Variants in ABCB5 observed in about 807,000 individuals in gnomAD.
ABCB5 encodes ATP binding cassette subfamily B member 5.
A neutral mutation model predicts 144.2 loss-of-function variants in ABCB5; 155 were observed. The ratio of observed to expected loss-of-function variants is 1.08; its 90% CI spans 0.94 to 1.23. The LOEUF (loss-of-function observed/expected upper bound fraction) is 1.23. Among genes scored for constraint, ABCB5 ranks in the 50% most tolerant of loss-of-function variants. ABCB5 has a pLI of 0.00. For synonymous variants in ABCB5, 610 were observed against 528.6 expected (o/e 1.15, Z -2.11); for missense variants, 1,830 against 1,520.8 (o/e 1.20, Z -3.38).
chr7:20,661,534 C>CTCTTTT (rs1406657803), intron 14 of ABCB5, among the ~76,000 whole-genome samples: 13 of 132,432 alleles, frequency 9.8e-5, no homozygotes, highest in South Asian at 4.5e-4. Context: ...TCTTTCTTTT[C>CTCTTTT]TTTTTCTTTT....
At position 20,703,863 on chromosome 7, in the gene ABCB5, T is replaced by C. The variant is rs924780970; in HGVS notation, c.2338-861T>C. 6.6e-5 allele frequency among the ~76,000 whole-genome samples: 10 copies of C among 152,260 alleles called. No individual in the cohort carries two copies. The East Asian group carries it at 1.4e-3, about 21-fold the overall frequency. ...ATTTTGACGTGACTCCTTCTTTAGA[T>C]TGCATACCTCTTAACTTCAGGAGTT... On this transcript the variant is annotated intron_variant, in intron 19 of 27. Transcript: ENST00000404938.
At chr7:20,726,225 G>A (rs1282492468) in intron 21 of ABCB5, among the ~76,000 whole-genome samples, 2 of 152,032 alleles carry the variant, frequency 1.3e-5, no homozygotes, top group Non-Finnish European at 2.9e-5. Context: ...TATGAGAAAT[G>A]GCTTTATCTC....
At chr7:20,615,992 T>G (rs1783675520) in intron 1 of ABCB5, among the ~76,000 whole-genome samples, 155 bp downstream of exon 1, 1 of 152,220 alleles carries the variant, frequency 6.6e-6, no homozygotes, top group South Asian at 2.1e-4. Flanking sequence ...ATGATCATCC[T>G]ACTATTATTT....
At chr7:20,630,021 T>C (rs1259618018) in intron 4 of ABCB5, among the ~76,000 whole-genome samples, 1 of 152,132 alleles carries the variant, frequency 6.6e-6, no homozygotes, top group Non-Finnish European at 1.5e-5. Flanking sequence ...TCTGTAGGCA[T>C]CTTTCGTGTA....
intron 14 of ABCB5, among the ~76,000 whole-genome samples, chr7:20,677,975 A>C (rs1785669573): frequency 6.6e-6 from 1 of 152,226 alleles, no homozygotes; most frequent in Non-Finnish European, 1.5e-5. Flanking sequence ...TGACAGCAGC[A>C]GAGCATTAAG....
At position 20,647,990 on chromosome 7, in the gene ABCB5, C is replaced by A. The variant is rs1784462625; in HGVS notation, c.1118C>A (p.Ser373Tyr). Residue 373 changes from serine (S) to tyrosine (Y), a missense_variant, in exon 11 of 28, where the codon TCC becomes TAC. Transcript: ENST00000404938. ...AAGAAACCCAGTATAGATAACTTTTCCACAGCTGGATATAAACCTGAATCC... is the reference window on the plus strand; with the variant it reads ...AAGAAACCCAGTATAGATAACTTTTACACAGCTGGATATAAACCTGAATCC... Reference protein sequence around the residue: ...IDKKPSIDNFSTAGYKPESIE... With the variant: ...IDKKPSIDNFYTAGYKPESIE... The A allele has an allele frequency of 1.9e-6, 3 of 1,609,382 alleles. No homozygotes were observed. Among genetic ancestry groups the A allele is most frequent in the South Asian group, 1.1e-5 (1 of 90,818 alleles).
chr7:20,720,901 G>A (rs1433540267), intron 20 of ABCB5, among the ~76,000 whole-genome samples: 1 of 127,248 alleles, frequency 7.9e-6, no homozygotes. Context: ...TCGAGATCGC[G>A]CCACTGCACT....
At chr7:20,750,449 T>C (rs1427253299) in intron 26 of ABCB5, among the ~76,000 whole-genome samples, 2 of 151,720 alleles carry the variant, frequency 1.3e-5, no homozygotes, top group Non-Finnish European at 1.5e-5. Context: ...ACAAATTGTG[T>C]ATGTTTGATG....
In ABCB5 at chr7:20,700,000, A is replaced by G; in HGVS notation, c.2260-58A>G. On this transcript the variant is annotated intron_variant, in intron 18 of 27. Coordinates refer to ENST00000404938, the MANE Select transcript of ABCB5 (RefSeq NM_001163941.2). ...CATTCTTTCTATTTGAGTTAAAAATATATCAACTAAATGTTACAAAGGAAA... is the reference window on the plus strand; with the variant it reads ...CATTCTTTCTATTTGAGTTAAAAATGTATCAACTAAATGTTACAAAGGAAA... 4.4e-6 allele frequency: 7 copies of G among 1,599,024 alleles called. No homozygotes were observed. In the Admixed American group the frequency reaches 6.7e-5, roughly 15 times the overall value.
chr7:20,702,457 A>G (rs1445756879), intron 19 of ABCB5, among the ~76,000 whole-genome samples: 4 of 152,104 alleles, frequency 2.6e-5, no homozygotes, highest in Non-Finnish European at 4.4e-5. Context: ...CTCAGCTGTA[A>G]TTCTTCAGTC....
intron 13 of ABCB5, among the ~76,000 whole-genome samples, chr7:20,654,118 A>G (rs1784690891): frequency 6.6e-6 from 1 of 152,148 alleles, no homozygotes; most frequent in South Asian, 2.1e-4. Flanking sequence ...TAAAATGAAG[A>G]TTGCACAAGT....
chr7:20,726,695 T>A (rs1782048883), intron 21 of ABCB5, among the ~76,000 whole-genome samples: 1 of 152,154 alleles, frequency 6.6e-6, no homozygotes, highest in African/African-American at 2.4e-5. Context: ...AATTGTTTCA[T>A]AATTTGTAGG....
In ABCB5 at chr7:20,755,483, T is replaced by C; in HGVS notation, c.3633T>C (p.Thr1211=). The C allele has an allele frequency of 6.2e-7, 1 of 1,614,190 alleles. No individual in the cohort carries two copies. Among genetic ancestry groups the C allele is most frequent in the South Asian group, 1.1e-5 (1 of 91,074 alleles). ...ARTGRTCLVV[T]HRLSAIQNAD... is the part of the protein sequence containing the mutation. Reference sequence around the variant, plus strand: ...CGGGAAGGACATGCCTAGTGGTCACTCACAGGCTCTCTGCAATTCAGAACG... The same window carrying C: ...CGGGAAGGACATGCCTAGTGGTCACCCACAGGCTCTCTGCAATTCAGAACG... Residue 1211 remains threonine (T), a synonymous_variant, in exon 28 of 28, where the codon ACT becomes ACC. Transcript: ENST00000404938.
At chr7:20,752,839 C>T (rs1287215252) in intron 26 of ABCB5, among the ~76,000 whole-genome samples, 3 of 152,028 alleles carry the variant, frequency 2.0e-5, no homozygotes, top group Non-Finnish European at 2.9e-5. Context: ...GAGCGAGACA[C>T]GGTCTCAAAA....
chr7:20,715,940 G>C (rs758110534), intron 20 of ABCB5, among the ~76,000 whole-genome samples: 6 of 151,770 alleles, frequency 4.0e-5, no homozygotes, highest in African/African-American at 1.2e-4. Context: ...GGCTGGTATC[G>C]AACTCCTGAC....
At chr7:20,655,148 T>G (rs1207171299) in intron 13 of ABCB5, among the ~76,000 whole-genome samples, 2 of 151,878 alleles carry the variant, frequency 1.3e-5, no homozygotes, top group African/African-American at 2.4e-5. Context: ...TGACTATTGA[T>G]TCTAAGGACA....
intron 23 of ABCB5, among the ~76,000 whole-genome samples, chr7:20,737,441 C>G (rs1583461534): frequency 6.6e-6 from 1 of 152,136 alleles, no homozygotes; most frequent in Non-Finnish European, 1.5e-5. Flanking sequence ...GCCCTTCTCC[C>G]TTTCTCATTA....
intron 20 of ABCB5, among the ~76,000 whole-genome samples, chr7:20,720,821 G>A (rs1781837624): frequency 6.6e-6 from 1 of 151,450 alleles, no homozygotes; most frequent in South Asian, 2.1e-4. Flanking sequence ...GTGCGCGCCT[G>A]TAGTCCCAGC....
chr7:20,660,163 T>A, intron 14 of ABCB5: 1 of 981,040 alleles, frequency 1.0e-6, no homozygotes, highest in Non-Finnish European at 1.2e-6. Context: ...TTATTCTTAT[T>A]GGTTAATATG....
Sources: allele counts gnomAD v4.1 joint callset (sites outside exome capture counted in the v4.1 genomes callset), GRCh38; gene constraint gnomAD v4.1.1; transcripts MANE v1.5; gene names NCBI Gene and HGNC (gene_info 2026-07-23, HGNC 2026-07-21).